The following HDAC9 variants were observed in gnomAD, a reference collection of about 807,000 sequenced individuals.
The protein encoded by HDAC9 is histone deacetylase 9.
In HDAC9, 41 loss-of-function variants were observed where a neutral mutation model predicts 139.4. The observed-to-expected ratio is 0.29, with a 90% CI of 0.23 to 0.38. The LOEUF (loss-of-function observed/expected upper bound fraction) is 0.38. Among genes scored for constraint, HDAC9 ranks in the 10% least tolerant of loss-of-function variants. HDAC9 has a pLI of 1.00. For missense variants in HDAC9, 1,147 were observed against 1,297.0 expected, an observed-to-expected ratio of 0.88 and a Z score of 1.78; for synonymous variants, 517 against 476.2, an observed-to-expected ratio of 1.09 and a Z score of -1.12.
At chr7:18,505,140 T>C (rs950931299) in intron 2 of HDAC9, among the ~76,000 whole-genome samples, 4 of 152,210 alleles carry the variant, frequency 2.6e-5, no homozygotes, top group African/African-American at 4.8e-5. Context: ...AGCGTGCTCT[T>C]TTCCTTGGAG....
chr7:18,591,775 A>G (rs979658709), intron 5 of HDAC9, 133 bp downstream of exon 5: 3 of 1,217,770 alleles, frequency 2.5e-6, no homozygotes, highest in African/African-American at 3.0e-5. Flanking sequence ...TCAGTTCTCT[A>G]AGGATCAGTT....
At chr7:18,497,004 T>C (rs1797111576) in intron 2 of HDAC9, among the ~76,000 whole-genome samples, 1 of 152,122 alleles carries the variant, frequency 6.6e-6, no homozygotes, top group African/African-American at 2.4e-5. Flanking sequence ...TGCAGCGTTT[T>C]AAAGGATAAT....
chr7:18,283,551 A>C lies in HDAC9; in HGVS notation c.25+121202A>C, dbSNP rs1797240842. Among the ~76,000 whole-genome samples the C allele has an allele frequency of 1.3e-5, 2 of 152,172 alleles. 1 individual carries two copies. Among genetic ancestry groups the C allele is most frequent in the African/African-American group, 4.8e-5 (2 of 41,432 alleles). Reference sequence around the variant, plus strand: ...CAGTGGTATGGCTATTATTTGGTGAACTGATTATCATTCTTTTTTGCATAA... The same window carrying C: ...CAGTGGTATGGCTATTATTTGGTGACCTGATTATCATTCTTTTTTGCATAA... On this transcript the variant is annotated intron_variant, in intron 2 of 12. Coordinates refer to the HDAC9 transcript ENST00000417496.
intron 2 of HDAC9, among the ~76,000 whole-genome samples, chr7:18,539,290 C>CA (rs1193347438): frequency 4.0e-5 from 6 of 151,748 alleles, no homozygotes; most frequent in African/African-American, 7.3e-5. Context: ...AGTCCAATCA[C>CA]AAAAAAACAC....
At chr7:18,899,073 G>C (rs1310374291) in intron 22 of HDAC9, among the ~76,000 whole-genome samples, 1 of 151,970 alleles carries the variant, frequency 6.6e-6, no homozygotes, top group Non-Finnish European at 1.5e-5. Flanking sequence ...TTAGGTTTTG[G>C]AATCTCCACT....
rs749335815 is a variant in HDAC9 at position 18,593,915 on chromosome 7, C to T, written c.550C>T (p.His184Tyr). 6.2e-7 allele frequency: 1 copy of T among 1,612,692 alleles called. No homozygotes were observed. The highest frequency in any genetic ancestry group is 8.5e-7 in the Non-Finnish European group (1 of 1,178,974). The change falls in exon 6 of 26, where the codon CAC becomes TAC. Residue 184 changes from histidine to tyrosine, a missense_variant. Physicochemically the swap from His to Tyr is moderately conservative, Grantham distance 83. Coordinates refer to ENST00000686413, the MANE Select transcript of HDAC9 (RefSeq NM_178425.4). ...RHPKLWYTAAHHTSLDQSSPP... is the reference protein window; with the variant it reads ...RHPKLWYTAAYHTSLDQSSPP... Reference sequence around the variant, plus strand: ...CTTCCTTGTCTTTTCTAGGGCTGCCCACCACACATCATTGGATCAAAGCTC... The same window carrying T: ...CTTCCTTGTCTTTTCTAGGGCTGCCTACCACACATCATTGGATCAAAGCTC...
intron 12 of HDAC9, among the ~76,000 whole-genome samples, chr7:18,710,493 T>C (rs1320827370): frequency 6.6e-6 from 1 of 152,174 alleles, no homozygotes; most frequent in Non-Finnish European, 1.5e-5. Context: ...GAAACACACA[T>C]ATATGCATAC....
At position 18,634,663 on chromosome 7, in the gene HDAC9, C is replaced by A. The variant is rs907132413; in HGVS notation, c.833C>A (p.Pro278His). 8.2e-6 allele frequency: 13 copies of A among 1,591,450 alleles called. No homozygotes were observed. The highest frequency in any genetic ancestry group is 1.0e-5 in the Non-Finnish European group (12 of 1,167,758). ...SVSSSSPGSG[P>H]SSPNNGPTGS... ...AGTAGCAGTTCTCCAGGCTCTGGTCCCAGTTCACCAAACAATGGGCCAACT... is the reference window on the plus strand; with the variant it reads ...AGTAGCAGTTCTCCAGGCTCTGGTCACAGTTCACCAAACAATGGGCCAACT... The change falls in exon 8 of 26, where the codon CCC becomes CAC. Residue 278 changes from proline (P) to histidine (H), a missense_variant. Pro to His is a moderately conservative substitution (Grantham distance 77). Coordinates refer to ENST00000686413, the MANE Select transcript of HDAC9 (RefSeq NM_178425.4).
intron 1 of HDAC9, among the ~76,000 whole-genome samples, chr7:18,326,645 C>T (rs1277790489): frequency 6.6e-6 from 1 of 151,972 alleles, no homozygotes; most frequent in Non-Finnish European, 1.5e-5. Context: ...TGAATGTATA[C>T]TTTGGATTTA....
intron 1 of HDAC9, among the ~76,000 whole-genome samples, chr7:18,297,988 T>C (rs17731618): frequency 0.23 from 35,250 of 152,096 alleles, 4,216 homozygotes; most frequent in Non-Finnish European, 0.25. Flanking sequence ...ATGTTACAGC[T>C]CTAAATTCGT....
At chr7:18,454,910 A>G (rs1793205367) in intron 1 of HDAC9, among the ~76,000 whole-genome samples, 1 of 152,118 alleles carries the variant, frequency 6.6e-6, no homozygotes, top group African/African-American at 2.4e-5. Context: ...GAAAATATTC[A>G]AAATAAAAGC....
At chr7:18,276,821 A>G (rs1468975538) in intron 2 of HDAC9, among the ~76,000 whole-genome samples, 1 of 152,206 alleles carries the variant, frequency 6.6e-6, no homozygotes, top group African/African-American at 2.4e-5. Context: ...TTACTTCAAA[A>G]ACATTTTAAT....
rs201100019 is a variant in HDAC9, at chr7:18,894,710, A to G, written c.2803+20114A>G. Among the ~76,000 whole-genome samples, 6 of 152,098 alleles carry G rather than the reference A, an allele frequency of 3.9e-5. No individual in the cohort carries two copies. The East Asian group carries it at 1.2e-3, about 29-fold the overall frequency. ...AGTACTTGAAAAAATAATCTTAATA[A>G]AATGACAGCATATTTATGTGATGCT... is the stretch of plus-strand genomic sequence containing the variant. On this transcript the variant is annotated intron_variant, in intron 22 of 25. Transcript: ENST00000686413.
chr7:18,248,696 G>A (rs1223466011), intron 2 of HDAC9, among the ~76,000 whole-genome samples: 1 of 152,084 alleles, frequency 6.6e-6, no homozygotes, highest in Admixed American at 6.5e-5. Flanking sequence ...TTAGAGGATT[G>A]GTCTGTAAAA....
At chr7:18,891,963 T>A (rs1430587280) in intron 22 of HDAC9, 2 of 152,078 alleles carry the variant, frequency 1.3e-5, no homozygotes, top group South Asian at 2.1e-4. Flanking sequence ...AAAAAATAAA[T>A]CTTGGAGAGT....
At chr7:18,199,654 A>G (rs1790971127) in intron 2 of HDAC9, among the ~76,000 whole-genome samples, 1 of 148,522 alleles carries the variant, frequency 6.7e-6, no homozygotes, top group South Asian at 2.2e-4. Flanking sequence ...GCGTGGTGGC[A>G]TGCTGAAGTC....
At chr7:18,412,739 A>G (rs1444401384) in intron 1 of HDAC9, among the ~76,000 whole-genome samples, 2 of 152,378 alleles carry the variant, frequency 1.3e-5, no homozygotes, top group East Asian at 3.9e-4. Context: ...ACAGGGACTC[A>G]TATCTCCAGT....
chr7:18,104,155 AG>A (rs766578139), intron 1 of HDAC9, among the ~76,000 whole-genome samples: 20 of 152,246 alleles, frequency 1.3e-4, no homozygotes, highest in Non-Finnish European at 1.8e-4. Context: ...GGCCCGGGCT[AG>A]GAAGTCATTT....
intron 22 of HDAC9, among the ~76,000 whole-genome samples, chr7:18,886,342 C>A (rs1220879822): frequency 6.6e-6 from 1 of 152,162 alleles, no homozygotes; most frequent in Non-Finnish European, 1.5e-5. Flanking sequence ...TATAACTGTA[C>A]CATAACAGGC....
Sources: gnomAD v4.1 joint callset for allele counts (sites outside exome capture counted in the v4.1 genomes callset) on GRCh38, gnomAD v4.1.1 for gene constraint, MANE v1.5 for transcripts, NCBI Gene and HGNC (gene_info 2026-07-23, HGNC 2026-07-21) for gene names.